The following ARMC9 variants were observed in gnomAD, a reference collection of about 807,000 sequenced individuals.
ARMC9 encodes the protein lisH domain-containing protein ARMC9.
Under a neutral mutation model 107.0 loss-of-function variants are expected in ARMC9, and 94 were observed. That is an observed-to-expected ratio of 0.88 (90% confidence interval 0.74 to 1.04). ARMC9 has a LOEUF of 1.04. Among genes scored for constraint, ARMC9 ranks in the 50% least tolerant of loss-of-function variants. ARMC9 has a pLI of 0.00. For synonymous variants in ARMC9, 380 were observed against 396.9 expected (o/e 0.96, Z 0.51); for missense variants, 942 against 1,030.1 (o/e 0.91, Z 1.17).
intron 20 of ARMC9, among the ~76,000 whole-genome samples, chr2:231,343,776 A>G (rs1033154367): frequency 6.6e-6 from 1 of 152,158 alleles, no homozygotes; most frequent in African/African-American, 2.4e-5. Flanking sequence ...TTTTAGCACA[A>G]TTGAAAGCAT....
intron 3 of ARMC9, among the ~76,000 whole-genome samples, chr2:231,210,913 T>C (rs2032744634): frequency 6.6e-6 from 1 of 152,196 alleles, no homozygotes; most frequent in Non-Finnish European, 1.5e-5. Context: ...ACTCCGCCTT[T>C]ATCCTCCCCC....
intron 17 of ARMC9, among the ~76,000 whole-genome samples, chr2:231,284,720 A>G (rs2040459437): frequency 1.3e-5 from 2 of 152,310 alleles, no homozygotes; most frequent in South Asian, 2.1e-4. Context: ...CCACCCTGGT[A>G]CAGTGTGGAG....
In ARMC9 at chr2:231,275,524, C is replaced by T. The variant is rs186522031; in HGVS notation, c.1335-1112C>T. Among the ~76,000 whole-genome samples the T allele has an allele frequency of 2.1e-3, 325 of 152,270 alleles. 1 individual carries two copies. The highest frequency in any genetic ancestry group is 1.4e-3 in the Non-Finnish European group (92 of 68,012). ...ATCATTCCTTATAATTTGCATTAAC[C>T]AGGTCATTAAACTACCCTTACTCTA... On this transcript the variant is annotated intron_variant, in intron 14 of 24. Coordinates refer to ENST00000611582, the MANE Select transcript of ARMC9 (RefSeq NM_001352754.2).
chr2:231,287,398 C>T (rs1458477573), intron 17 of ARMC9, among the ~76,000 whole-genome samples: 7 of 152,214 alleles, frequency 4.6e-5, no homozygotes, highest in Non-Finnish European at 4.4e-5. Flanking sequence ...TGTGAGTATT[C>T]TGTCTGTTGC....
At chr2:231,346,042 A>G (rs1309896120) in intron 21 of ARMC9, among the ~76,000 whole-genome samples, 9 of 152,062 alleles carry the variant, frequency 5.9e-5, no homozygotes, top group Non-Finnish European at 1.5e-5. Flanking sequence ...TGTCCTATAA[A>G]TGTTTCAGGG....
chr2:231,309,358 A>T (rs1206763784), intron 19 of ARMC9, among the ~76,000 whole-genome samples: 1 of 152,202 alleles, frequency 6.6e-6, no homozygotes, highest in East Asian at 1.9e-4. Context: ...CTGATTTTTT[A>T]AAAATTTTAC....
chr2:231,266,762 G>A (rs1205906430), intron 12 of ARMC9, among the ~76,000 whole-genome samples: 1 of 152,100 alleles, frequency 6.6e-6, no homozygotes, highest in Non-Finnish European at 1.5e-5. Context: ...GTTCATCCAC[G>A]TAGCATATGT....
chr2:231,331,694 G>T, intron 19 of ARMC9, 99 bp from the exon 20 acceptor site: 1 of 1,018,980 alleles, frequency 9.8e-7, no homozygotes, highest in Non-Finnish European at 1.5e-6. Context: ...GATTGGCCGA[G>T]GCCTTCTTGT....
rs1241019327 is a variant in ARMC9 at position 231,358,197 on chromosome 2, G to A, written c.2131+2263G>A. Among the ~76,000 whole-genome samples, 1 of 152,158 alleles carries A rather than the reference G, an allele frequency of 6.6e-6. No individual in the cohort carries two copies. The highest frequency in any genetic ancestry group is 2.4e-5 in the African/African-American group (1 of 41,434). The stretch of plus-strand genomic sequence containing the variant: ...CCAGGGTATGAATGAGGGGGAGGGG[G>A]ATGAGCAGCAGGGACAGCAGGGAGT... On this transcript the variant is annotated intron_variant, in intron 22 of 24. Transcript: ENST00000611582. This position sits in a 1 kb window ranked among gnomAD's most constrained non-coding sequence, Gnocchi z 4.5.
intron 15 of ARMC9, 117 bp downstream of exon 15, chr2:231,276,892 GA>G: frequency 3.6e-6 from 5 of 1,371,146 alleles, no homozygotes; most frequent in Non-Finnish European, 4.9e-6. Context: ...ACTAAAAACA[GA>G]AAAAGGAGTA....
chr2:231,264,628 G>A (rs992052497), intron 12 of ARMC9, among the ~76,000 whole-genome samples: 1 of 152,126 alleles, frequency 6.6e-6, no homozygotes, highest in Non-Finnish European at 1.5e-5. Context: ...CTCCCAAGTA[G>A]CTGGGATTAC....
chr2:231,295,622 C>G (rs1310943436), intron 18 of ARMC9: 2 of 152,306 alleles, frequency 1.3e-5, no homozygotes, highest in African/African-American at 4.8e-5. Flanking sequence ...CAACTTACTG[C>G]TCTTTTGTAA....
chr2:231,330,153 G>A (rs2043622429), intron 19 of ARMC9, among the ~76,000 whole-genome samples: 3 of 151,776 alleles, frequency 2.0e-5, no homozygotes, highest in Admixed American at 2.0e-4. Context: ...GACTACTATA[G>A]CTTGAAATCA....
intron 19 of ARMC9, among the ~76,000 whole-genome samples, chr2:231,328,505 G>A (rs1669071): frequency 0.32 from 49,167 of 151,886 alleles, 8,117 homozygotes; most frequent in Middle Eastern, 0.37. Flanking sequence ...TGATTTTTAT[G>A]TAAGATACGA....
At chr2:231,263,360 GA>G (rs2038559475) in intron 12 of ARMC9, among the ~76,000 whole-genome samples, 1 of 152,184 alleles carries the variant, frequency 6.6e-6, no homozygotes, top group African/African-American at 2.4e-5. Flanking sequence ...TGGAGTCTAG[GA>G]AGTCCAAGAG....
rs1395374483 is a variant in ARMC9 at position 231,278,411 on chromosome 2, C to T, written c.1504C>T (p.Leu502Phe). 1 of 1,614,134 alleles carries T rather than the reference C, an allele frequency of 6.2e-7. No individual in the cohort carries two copies. Among genetic ancestry groups the T allele is most frequent in the Non-Finnish European group, 8.5e-7 (1 of 1,180,026 alleles). Residue 502 changes from leucine (L) to phenylalanine (F), a missense_variant, in exon 16 of 25, where the codon CTC (leucine) becomes TTC (phenylalanine). Transcript: ENST00000611582. ...GKNMCAKVAG[L>F]VLKVLSDLLG... ...GAACATGTGTGCCAAGGTGGCAGGCCTCGTGCTCAAAGTCCTTTCGGATCT... is the reference window on the plus strand; with the variant it reads ...GAACATGTGTGCCAAGGTGGCAGGCTTCGTGCTCAAAGTCCTTTCGGATCT...
intron 19 of ARMC9, among the ~76,000 whole-genome samples, 167 bp downstream of exon 19, chr2:231,296,420 C>CTT (rs1553618582): frequency 6.6e-6 from 1 of 152,220 alleles, no homozygotes; most frequent in Non-Finnish European, 1.5e-5. Flanking sequence ...TCGGGTCTCA[C>CTT]TTGGGGTCTC....
At chr2:231,328,010 C>G (rs1729079) in intron 19 of ARMC9, among the ~76,000 whole-genome samples, 49,392 of 151,994 alleles carry the variant, frequency 0.32, 8,150 homozygotes, top group Middle Eastern at 0.38. Context: ...GTCTCAAACT[C>G]CTGATTCAAG....
chr2:231,373,388 C>T lies in ARMC9; in HGVS notation c.*1853C>T, dbSNP rs997107551. The T allele has an allele frequency of 1.3e-5, 2 of 152,408 alleles. No individual in the cohort carries two copies. Among genetic ancestry groups the T allele is most frequent in the Non-Finnish European group, 2.9e-5 (2 of 68,080 alleles). The allele number at this position is 152,408 out of a possible 1,614,324, so 9.4% of individuals were successfully genotyped here. A position where few individuals can be genotyped will look rare whatever the true frequency, so the allele number is the denominator to read the frequency against. ...ATTCCTCAGATGCCACTGGCTGGCA[C>T]AGCCTTTCCCGCCCTTGGTGTGGGA... On this transcript the variant is annotated 3_prime_UTR_variant, in exon 25 of 25. Coordinates refer to ENST00000611582, the MANE Select transcript of ARMC9 (RefSeq NM_001352754.2). The surrounding 1 kb of genome is among the most constrained non-coding windows in gnomAD (Gnocchi z 4.4).
Sources: gnomAD v4.1 joint callset for allele counts (sites outside exome capture counted in the v4.1 genomes callset) on GRCh38, gnomAD v4.1.1 for gene constraint, Gnocchi (gnomAD v3.1) non-coding constraint, MANE v1.5 for transcripts, NCBI Gene and HGNC (gene_info 2026-07-23, HGNC 2026-07-21) for gene names.